The following ZHX2 variants were observed in gnomAD, a reference collection of about 807,000 sequenced individuals.
ZHX2 encodes the protein zinc fingers and homeoboxes protein 2.
A neutral mutation model predicts 21.9 loss-of-function variants in ZHX2; 6 were observed. The ratio of observed to expected loss-of-function variants is 0.27; its 90% CI spans 0.15 to 0.54. ZHX2 has a LOEUF of 0.54. Among genes scored for constraint, ZHX2 ranks in the 20% least tolerant of loss-of-function variants. ZHX2 has a pLI of 0.95. For missense variants in ZHX2, 908 were observed against 1,090.7 expected (o/e 0.83, Z 2.36); for synonymous variants, 434 against 437.1 (o/e 0.99, Z 0.09).
At chr8:122,829,552 C>A (rs1818328062) in intron 1 of ZHX2, among the ~76,000 whole-genome samples, 1 of 152,226 alleles carries the variant, frequency 6.6e-6, no homozygotes, top group African/African-American at 2.4e-5. Flanking sequence ...TATGAAAACT[C>A]TCCCACCTCA....
intron 3 of ZHX2, among the ~76,000 whole-genome samples, chr8:122,959,482 C>T (rs1185971358): frequency 6.6e-6 from 1 of 152,162 alleles, no homozygotes; most frequent in South Asian, 2.1e-4. Flanking sequence ...CTGTACCAGA[C>T]CCTTACCGGC....
intron 2 of ZHX2, among the ~76,000 whole-genome samples, chr8:122,914,891 T>C (rs1427708800): frequency 1.3e-5 from 2 of 152,234 alleles, no homozygotes; most frequent in Non-Finnish European, 2.9e-5. Context: ...GCATTCAATA[T>C]TTTAATGTTA....
intron 2 of ZHX2, among the ~76,000 whole-genome samples, chr8:122,874,363 C>T (rs114675993): frequency 0.018 from 2,754 of 152,294 alleles, 69 homozygotes; most frequent in African/African-American, 0.062. Flanking sequence ...TCTTGGCACC[C>T]AGACTGGAGT....
chr8:122,797,884 C>T (rs1817641637), intron 1 of ZHX2, among the ~76,000 whole-genome samples: 1 of 152,184 alleles, frequency 6.6e-6, no homozygotes, highest in South Asian at 2.1e-4. Flanking sequence ...ACAATAGTCA[C>T]GCTAATGGCT....
intron 2 of ZHX2, among the ~76,000 whole-genome samples, chr8:122,881,214 C>T (rs2129786377): frequency 6.6e-6 from 1 of 152,320 alleles, no homozygotes; most frequent in Admixed American, 6.5e-5. Context: ...CCTCTAAGCA[C>T]CTTGACATTG....
rs149135224 is a variant in ZHX2, at chr8:122,916,166, G to A, written c.-219-35126G>A. Among the ~76,000 whole-genome samples the A allele has an allele frequency of 2.6e-3, 397 of 152,310 alleles. 3 individuals are homozygous for A. The highest frequency in any genetic ancestry group is 9.0e-3 in the African/African-American group (373 of 41,554). On this transcript the variant is annotated intron_variant, in intron 2 of 3. Transcript: ENST00000314393. Reference sequence around the variant, plus strand: ...CTGGCTCTTTTATGAGATTACAGACGCTTTCATCTCAGCTTTGGCCCGGAT... The same window carrying A: ...CTGGCTCTTTTATGAGATTACAGACACTTTCATCTCAGCTTTGGCCCGGAT...
intron 1 of ZHX2, among the ~76,000 whole-genome samples, chr8:122,833,220 A>T (rs1346369363): frequency 6.6e-6 from 1 of 152,208 alleles, no homozygotes; most frequent in Non-Finnish European, 1.5e-5. Context: ...GAACTGCTGG[A>T]CATACCGGGA....
intron 1 of ZHX2, among the ~76,000 whole-genome samples, chr8:122,841,592 A>C (rs1471020643): frequency 6.6e-6 from 1 of 152,200 alleles, no homozygotes; most frequent in East Asian, 1.9e-4. Context: ...AGAGAGGCAC[A>C]GTGTGAGTTC....
At chr8:122,793,972 C>T (rs1020243911) in intron 1 of ZHX2, among the ~76,000 whole-genome samples, 2 of 152,160 alleles carry the variant, frequency 1.3e-5, no homozygotes, top group Non-Finnish European at 2.9e-5. Context: ...TGGGAGATAC[C>T]TTTTGTCTTA....
At chr8:122,807,727 T>C (rs1269690892) in intron 1 of ZHX2, 1 of 152,176 alleles carries the variant, frequency 6.6e-6, no homozygotes, top group Admixed American at 6.5e-5. Flanking sequence ...CCAGGCCTTC[T>C]CCTGAGATAT....
In ZHX2 at chr8:122,952,941, C is replaced by T. The variant is rs1291611323; in HGVS notation, c.1431C>T (p.Gly477=). Residue 477 remains glycine (G), a synonymous_variant, in exon 3 of 4, where the codon GGC becomes GGT. Coordinates refer to ENST00000314393, the MANE Select transcript of ZHX2 (RefSeq NM_014943.5). The surrounding 1 kb of genome is among the most constrained non-coding windows in gnomAD (Gnocchi z 6.9). ...TTTACCGGCTCATCGAGGTGACTGG[C>T]CTTGCCAGGAGCGAGATCAAGAAGT... ...AEVYRLIEVT[G]LARSEIKKWF... 1.2e-6 allele frequency: 2 copies of T among 1,614,048 alleles called. No homozygotes were observed. The highest frequency in any genetic ancestry group is 4.5e-5 in the East Asian group (2 of 44,846).
chr8:122,842,031 G>A (rs1050241391), intron 1 of ZHX2, among the ~76,000 whole-genome samples: 2 of 152,142 alleles, frequency 1.3e-5, no homozygotes, highest in African/African-American at 2.4e-5. Context: ...TTAGAGACAC[G>A]AAGAAGGAAC....
intron 1 of ZHX2, among the ~76,000 whole-genome samples, chr8:122,797,709 C>T (rs1331257921): frequency 1.3e-5 from 2 of 152,094 alleles, no homozygotes; most frequent in Non-Finnish European, 2.9e-5. Context: ...TGAACGGCCA[C>T]CCAGACATTC....
At chr8:122,827,206 T>C (rs1818282052) in intron 1 of ZHX2, among the ~76,000 whole-genome samples, 1 of 152,064 alleles carries the variant, frequency 6.6e-6, no homozygotes, top group South Asian at 2.1e-4. Context: ...TTTATTTGTT[T>C]GTTTTCTCCC....
At chr8:122,887,919 C>T (rs1275507119) in intron 2 of ZHX2, among the ~76,000 whole-genome samples, 6 of 152,144 alleles carry the variant, frequency 3.9e-5, no homozygotes, top group African/African-American at 1.4e-4. Context: ...CAGTGTGCAG[C>T]ATGACCCAGG....
chr8:122,825,460 C>T (rs1769407162), intron 1 of ZHX2, among the ~76,000 whole-genome samples: 1 of 152,140 alleles, frequency 6.6e-6, no homozygotes, highest in South Asian at 2.1e-4. Flanking sequence ...ACACCCCATC[C>T]CTGTTCTTGT....
intron 1 of ZHX2, among the ~76,000 whole-genome samples, chr8:122,827,615 T>A (rs1044614727): frequency 2.6e-5 from 4 of 151,840 alleles, no homozygotes; most frequent in African/African-American, 9.7e-5. Flanking sequence ...TCAGAATCTT[T>A]AGGGGAAAAA....
intron 2 of ZHX2, among the ~76,000 whole-genome samples, chr8:122,924,811 G>A (rs1327734013): frequency 6.6e-6 from 1 of 152,220 alleles, no homozygotes; most frequent in Admixed American, 6.5e-5. Context: ...CCCATGTATT[G>A]TAGCTTCTGA....
intron 1 of ZHX2, among the ~76,000 whole-genome samples, chr8:122,799,152 C>A (rs980574052): frequency 2.0e-5 from 3 of 152,216 alleles, no homozygotes; most frequent in African/African-American, 7.2e-5. Flanking sequence ...CAGAATGTTT[C>A]ACCACTCCCA....
Sources: allele counts gnomAD v4.1 joint callset (sites outside exome capture counted in the v4.1 genomes callset), GRCh38; gene constraint gnomAD v4.1.1; non-coding constraint Gnocchi (gnomAD v3.1); transcripts MANE v1.5; gene names NCBI Gene and HGNC (gene_info 2026-07-23, HGNC 2026-07-21).